The following PPARGC1A variants were observed in gnomAD, a reference collection of about 807,000 sequenced individuals.
PPARGC1A encodes the protein peroxisome proliferator-activated receptor gamma coactivator 1-alpha.
In PPARGC1A, 25 loss-of-function variants were observed where a neutral mutation model predicts 88.7. That is an observed-to-expected ratio of 0.28 (90% CI 0.21 to 0.39). The LOEUF is 0.39. Ranked by LOEUF, PPARGC1A falls within the 10% of genes least tolerant of loss-of-function variation. PPARGC1A has a pLI of 1.00. For missense variants in PPARGC1A, 880 were observed against 968.7 expected (o/e 0.91, Z 1.22); for synonymous variants, 363 against 355.6 (o/e 1.02, Z -0.24).
the PPARGC1A span, among the ~76,000 whole-genome samples, chr4:24,341,940 G>A: frequency 5.0e-3 from 767 of 152,230 alleles, 3 homozygotes; most frequent in Non-Finnish European, 4.7e-3. Context: ...AGCCTACGAC[G>A]GGTCTGCTCA....
chr4:24,297,386 G>A, the PPARGC1A span, among the ~76,000 whole-genome samples: 3 of 152,060 alleles, frequency 2.0e-5, no homozygotes, highest in African/African-American at 7.2e-5. Context: ...TATTCTTCTC[G>A]GAAATGTACT....
the PPARGC1A span, among the ~76,000 whole-genome samples, chr4:24,276,676 G>A: frequency 6.6e-6 from 1 of 152,120 alleles, no homozygotes; most frequent in African/African-American, 2.4e-5. Flanking sequence ...GCCTCTTAAA[G>A]GTTTTCTGGT....
At chr4:23,960,935 A>C in the PPARGC1A span, among the ~76,000 whole-genome samples, 2 of 152,166 alleles carry the variant, frequency 1.3e-5, no homozygotes, top group African/African-American at 4.8e-5. Flanking sequence ...GAGTGTTCTC[A>C]GCATTATCAA....
chr4:23,948,235 A>G, the PPARGC1A span, among the ~76,000 whole-genome samples: 1 of 152,154 alleles, frequency 6.6e-6, no homozygotes, highest in Non-Finnish European at 1.5e-5. Flanking sequence ...GCTTCCCTCA[A>G]GGGGCTCAGC....
chr4:23,820,654 G>GT (rs375891198), intron 7 of PPARGC1A: 857 of 439,280 alleles, frequency 2.0e-3, no homozygotes, highest in African/African-American at 3.2e-3. Flanking sequence ...AAAGAGAAGA[G>GT]TTTTTTTATC....
At chr4:24,107,471 T>C in the PPARGC1A span, among the ~76,000 whole-genome samples, 9 of 152,228 alleles carry the variant, frequency 5.9e-5, no homozygotes, top group Non-Finnish European at 7.3e-5. Flanking sequence ...CTGTCATCCC[T>C]ATTATTTTCG....
chr4:23,968,797 C>G, the PPARGC1A span, among the ~76,000 whole-genome samples: 1 of 152,022 alleles, frequency 6.6e-6, no homozygotes, highest in South Asian at 2.1e-4. Context: ...TGCCCGTAGT[C>G]TCAGCTACTA....
the PPARGC1A span, among the ~76,000 whole-genome samples, chr4:24,465,776 G>C: frequency 6.6e-6 from 1 of 152,288 alleles, no homozygotes. Flanking sequence ...AAAGGCATTA[G>C]TTCATGATGG....
chr4:24,215,908 C>T, the PPARGC1A span, among the ~76,000 whole-genome samples: 3 of 152,104 alleles, frequency 2.0e-5, no homozygotes, highest in Non-Finnish European at 2.9e-5. Flanking sequence ...TATAGTTCAC[C>T]CCTACTCCAG....
the PPARGC1A span, among the ~76,000 whole-genome samples, chr4:24,301,647 T>C: frequency 1.3e-5 from 2 of 152,188 alleles, no homozygotes; most frequent in South Asian, 4.1e-4. Flanking sequence ...CATGTGGATT[T>C]TTTTAATGTT....
At chr4:23,936,469 G>C in the PPARGC1A span, among the ~76,000 whole-genome samples, 2 of 152,158 alleles carry the variant, frequency 1.3e-5, no homozygotes, top group African/African-American at 4.8e-5. Context: ...AAGCGCAGTG[G>C]CTCACGCATG....
rs1162305339 is a variant in PPARGC1A at position 23,793,182 on chromosome 4, A to ATTAT, written c.*2636_*2639dup. The stretch of plus-strand genomic sequence containing the variant: ...ATTTATTGCTCTTAATAGTCTTTTT[A>ATTAT]TTATTATTCTACAACAGAAGATACT... On this transcript the variant is annotated 3_prime_UTR_variant, in exon 13 of 13. Transcript: ENST00000264867. 1 of 152,536 alleles carries ATTAT rather than the reference A, an allele frequency of 6.6e-6. No homozygotes were observed. The highest frequency in any genetic ancestry group is 2.4e-5 in the African/African-American group (1 of 41,430). 9.4% of individuals were successfully genotyped at this position (152,536 alleles called of 1,614,324 possible).
chr4:24,106,223 G>A, the PPARGC1A span, among the ~76,000 whole-genome samples: 27 of 152,070 alleles, frequency 1.8e-4, no homozygotes, highest in Non-Finnish European at 3.4e-4. Context: ...GAGGCAAACC[G>A]AAAGATGCCT....
At chr4:24,003,738 T>A in the PPARGC1A span, among the ~76,000 whole-genome samples, 1 of 151,614 alleles carries the variant, frequency 6.6e-6, no homozygotes, top group African/African-American at 2.4e-5. Context: ...TCTTACACCA[T>A]GAAAAGGAAT....
At chr4:23,904,497 T>C (rs1323838087), upstream of PPARGC1A, among the ~76,000 whole-genome samples, 1 of 152,124 alleles carries the variant, frequency 6.6e-6, no homozygotes, top group Non-Finnish European at 1.5e-5. Flanking sequence ...CTGGTTAATA[T>C]TGACATTAAA....
the PPARGC1A span, among the ~76,000 whole-genome samples, chr4:23,922,682 T>A: frequency 1.3e-5 from 2 of 152,188 alleles, no homozygotes; most frequent in Admixed American, 1.3e-4. Context: ...GACAATGGAA[T>A]GCTTCAATGA....
chr4:24,206,743 G>A, the PPARGC1A span, among the ~76,000 whole-genome samples: 1 of 150,644 alleles, frequency 6.6e-6, no homozygotes, highest in African/African-American at 2.4e-5. Context: ...AGGAGGCTGA[G>A]GCAGAAGAAT....
the PPARGC1A span, among the ~76,000 whole-genome samples, chr4:24,042,429 A>G: frequency 6.6e-6 from 1 of 152,318 alleles, no homozygotes; most frequent in Non-Finnish European, 1.5e-5. Context: ...CTGAAGTCCA[A>G]CACTCCAGTG....
At chr4:23,808,838 A>G (rs183623166) in intron 10 of PPARGC1A, among the ~76,000 whole-genome samples, 19 of 152,342 alleles carry the variant, frequency 1.2e-4, no homozygotes, top group African/African-American at 4.6e-4. Flanking sequence ...TGAAAAGTTT[A>G]TAGATCTCCT....
Sources: allele counts gnomAD v4.1 joint callset (sites outside exome capture counted in the v4.1 genomes callset), GRCh38; gene constraint gnomAD v4.1.1; transcripts MANE v1.5; gene names NCBI Gene and HGNC (gene_info 2026-07-23, HGNC 2026-07-21).